Variants in CMTM4 observed in about 807,000 individuals in gnomAD.
CMTM4 encodes the protein CKLF like MARVEL transmembrane domain containing 4.
Under a neutral mutation model 19.0 loss-of-function variants are expected in CMTM4, and 8 were observed. The observed-to-expected ratio is 0.42, with a 90% CI of 0.25 to 0.76. The LOEUF is 0.76. Among genes scored for constraint, CMTM4 ranks in the 30% least tolerant of loss-of-function variants. CMTM4 has a pLI of 0.27. For missense variants in CMTM4, 228 were observed against 290.2 expected (o/e 0.79, Z 1.56); for synonymous variants, 106 against 121.1 (o/e 0.88, Z 0.82).
At chr16:66,630,312 C>T (rs1315172185) in intron 2 of CMTM4, among the ~76,000 whole-genome samples, 5 of 98,174 alleles carry the variant, frequency 5.1e-5, no homozygotes, top group Admixed American at 1.1e-4. Context: ...CCCCCTCACC[C>T]TCCCCCTCCC....
At chr16:66,631,211 G>A (rs2015858437) in intron 2 of CMTM4, among the ~76,000 whole-genome samples, 1 of 150,198 alleles carries the variant, frequency 6.7e-6, no homozygotes, top group African/African-American at 2.5e-5. Context: ...CGGGAGGGAG[G>A]TGGGGGGTCA....
intron 1 of CMTM4, among the ~76,000 whole-genome samples, chr16:66,675,720 A>C (rs996160786): frequency 6.6e-6 from 1 of 152,062 alleles, no homozygotes; most frequent in African/African-American, 2.4e-5. Context: ...TTTGAGCAAC[A>C]CACCACCAGC....
At chr16:66,653,101 C>T (rs956015554) in intron 1 of CMTM4, among the ~76,000 whole-genome samples, 6 of 152,120 alleles carry the variant, frequency 3.9e-5, no homozygotes, top group African/African-American at 9.7e-5. Flanking sequence ...AAAGCAGTGT[C>T]GCATCCCCAG....
the CMTM4 span, chr16:66,604,338 G>A: frequency 6.5e-6 from 1 of 153,294 alleles, no homozygotes; most frequent in East Asian, 1.9e-4. Flanking sequence ...AAGAAAAAGA[G>A]AGGGCATGGG....
intron 1 of CMTM4, among the ~76,000 whole-genome samples, chr16:66,678,534 T>C (rs2016848526): frequency 6.6e-6 from 1 of 152,234 alleles, no homozygotes; most frequent in South Asian, 2.1e-4. Flanking sequence ...GCACCTTTCA[T>C]TGTCCTTGAG....
chr16:66,620,400 T>C lies in CMTM4; in HGVS notation c.*1658A>G, dbSNP rs1441829303. On this transcript the variant is annotated 3_prime_UTR_variant, in exon 4 of 4. Transcript: ENST00000394106. ...GAGGCAGACGTGGTGCTCAGCCACA[T>C]AGCCTGGGACACTGCTCCCAACTCA... 5.1e-6 allele frequency: 5 copies of C among 985,422 alleles called. No homozygotes were observed. Among genetic ancestry groups the C allele is most frequent in the African/African-American group, 1.7e-5 (1 of 57,336 alleles). The allele number at this position is 985,422 out of a possible 1,614,324, so 61.0% of individuals were successfully genotyped here.
chr16:66,683,179 ATG>A (rs1491513926), intron 1 of CMTM4, among the ~76,000 whole-genome samples: 2,104 of 88,618 alleles, frequency 0.024, 61 homozygotes, highest in African/African-American at 0.048. Flanking sequence ...ATATATACAT[ATG>A]TATATATATA....
chr16:66,694,110 A>G (rs532620354), intron 1 of CMTM4, among the ~76,000 whole-genome samples: 2 of 152,238 alleles, frequency 1.3e-5, no homozygotes, highest in Non-Finnish European at 2.9e-5. Context: ...GAAAAGAAAA[A>G]AAGAAAAGAA....
At chr16:66,678,024 T>G (rs1216788695) in intron 1 of CMTM4, among the ~76,000 whole-genome samples, 1 of 152,050 alleles carries the variant, frequency 6.6e-6, no homozygotes, top group African/African-American at 2.4e-5. Context: ...TGAAGAAAAG[T>G]GACCAGGGTC....
chr16:66,640,987 A>G (rs906469723), intron 1 of CMTM4, among the ~76,000 whole-genome samples: 4 of 152,216 alleles, frequency 2.6e-5, no homozygotes, highest in Non-Finnish European at 5.9e-5. Context: ...AGAGAACCAG[A>G]GCAAAGCCAC....
intron 1 of CMTM4, among the ~76,000 whole-genome samples, chr16:66,642,069 C>G (rs915157523): frequency 6.6e-6 from 1 of 152,114 alleles, no homozygotes; most frequent in Non-Finnish European, 1.5e-5. Flanking sequence ...CTGTTACAAG[C>G]AAAACATTTT....
chr16:66,663,594 G>A (rs2016539309), intron 1 of CMTM4, among the ~76,000 whole-genome samples: 1 of 132,444 alleles, frequency 7.6e-6, no homozygotes, highest in African/African-American at 2.9e-5. Context: ...TCAGGCTGGA[G>A]TTCAGTGGTG....
At chr16:66,631,955 TAAAA>T (rs1194609236) in intron 2 of CMTM4, among the ~76,000 whole-genome samples, 1 of 151,768 alleles carries the variant, frequency 6.6e-6, no homozygotes, top group Non-Finnish European at 1.5e-5. Context: ...TAAAATAAAA[TAAAA>T]AAACACAAGA....
At chr16:66,599,729 C>T in the CMTM4 span, among the ~76,000 whole-genome samples, 1 of 152,260 alleles carries the variant, frequency 6.6e-6, no homozygotes, top group East Asian at 1.9e-4. Context: ...GGGAATTTAA[C>T]CATGTCTATC....
the CMTM4 span, among the ~76,000 whole-genome samples, chr16:66,599,451 G>A: frequency 3.3e-5 from 5 of 150,630 alleles, no homozygotes; most frequent in Admixed American, 3.3e-4. Flanking sequence ...TTTTTTTCAT[G>A]GAGACATGAT....
chr16:66,688,974 T>C (rs562144791), intron 1 of CMTM4, among the ~76,000 whole-genome samples: 6 of 152,342 alleles, frequency 3.9e-5, no homozygotes, highest in Middle Eastern at 3.4e-3. Flanking sequence ...ATACTATTGG[T>C]TATCGTGTGT....
At chr16:66,677,192 G>C (rs1489508382) in intron 1 of CMTM4, among the ~76,000 whole-genome samples, 2 of 152,120 alleles carry the variant, frequency 1.3e-5, no homozygotes, top group Non-Finnish European at 2.9e-5. Flanking sequence ...AGCCATGATT[G>C]TGTCATTATA....
At chr16:66,663,532 CTTTTTTTTTTT>C (rs1178140315) in intron 1 of CMTM4, among the ~76,000 whole-genome samples, 13 of 55,256 alleles carry the variant, frequency 2.4e-4, no homozygotes, top group Admixed American at 4.3e-4. Flanking sequence ...TTTTCATTTG[CTTTTTTTTTTT>C]TTTTTTTTTT....
intron 2 of CMTM4, among the ~76,000 whole-genome samples, chr16:66,633,651 C>T (rs2015927411): frequency 6.6e-6 from 1 of 152,012 alleles, no homozygotes; most frequent in Non-Finnish European, 1.5e-5. Context: ...AACCTCGTCT[C>T]TATTAAAAAT....
Sources: allele counts gnomAD v4.1 joint callset (sites outside exome capture counted in the v4.1 genomes callset), GRCh38; gene constraint gnomAD v4.1.1; transcripts MANE v1.5; gene names NCBI Gene and HGNC (gene_info 2026-07-23, HGNC 2026-07-21).